Variants in MMP26 observed in about 807,000 individuals in gnomAD.
The protein encoded by MMP26 is matrix metalloproteinase-26.
Under a neutral mutation model 31.0 loss-of-function variants are expected in MMP26, and 33 were observed. That is an observed-to-expected ratio of 1.06 (90% confidence interval 0.81 to 1.42). The LOEUF (loss-of-function observed/expected upper bound fraction) is 1.42. Ranked by LOEUF, MMP26 falls within the 40% of genes most tolerant of loss-of-function variation. The pLI, the probability that MMP26 is intolerant of heterozygous loss-of-function variation, is 0.00. For missense variants in MMP26, 347 were observed against 316.1 expected, an observed-to-expected ratio of 1.10 and a Z score of -0.74; for synonymous variants, 122 against 114.9, an observed-to-expected ratio of 1.06 and a Z score of -0.40.
chr11:4,973,372 A>G (rs1018542707), intron 2 of MMP26: 4 of 152,554 alleles, frequency 2.6e-5, no homozygotes, highest in Non-Finnish European at 5.9e-5. Context: ...GGTTCTTCTT[A>G]CAATATTTTA....
chr11:4,801,556 ATTTG>A (rs1306780093), intron 2 of MMP26, among the ~76,000 whole-genome samples: 2 of 114,224 alleles, frequency 1.8e-5, no homozygotes, highest in Non-Finnish European at 3.7e-5. Context: ...TTATTTATTT[ATTTG>A]AGATGGAGTT....
chr11:4,933,188 G>C (rs1279338768), intron 2 of MMP26, among the ~76,000 whole-genome samples: 1 of 152,200 alleles, frequency 6.6e-6, no homozygotes, highest in African/African-American at 2.4e-5. Context: ...CAATGTGTGT[G>C]TATTTGTGTG....
At position 4,988,073 on chromosome 11, in the gene MMP26, G is replaced by T. The variant is rs183545209; in HGVS notation, c.-139G>T. 2.7e-6 allele frequency: 2 copies of T among 748,440 alleles called. No homozygotes were observed. Among genetic ancestry groups the T allele is most frequent in the South Asian group, 3.1e-5 (2 of 65,456 alleles). The allele number at this position is 748,440 out of a possible 1,614,324, so 46.4% of individuals were successfully genotyped here. A position where few individuals can be genotyped will look rare whatever the true frequency, so the allele number is the denominator to read the frequency against. On this transcript the variant is annotated 5_prime_UTR_variant, in exon 3 of 8. Transcript: ENST00000380390. ...GGTCACTCTGCCCTCAGCAGGTATG[G>T]ATGATGACGCCACTCACAGATTCAA...
At chr11:4,764,710 A>G (rs970952096) in intron 1 of MMP26, among the ~76,000 whole-genome samples, 1 of 152,130 alleles carries the variant, frequency 6.6e-6, no homozygotes, top group Non-Finnish European at 1.5e-5. Context: ...CGTCTCTACT[A>G]AAAATACAAA....
intron 2 of MMP26, among the ~76,000 whole-genome samples, chr11:4,903,569 G>A (rs1850834847): frequency 6.6e-6 from 1 of 152,066 alleles, no homozygotes; most frequent in African/African-American, 2.4e-5. Context: ...CCTTTCAGAT[G>A]AGTAGTCTCC....
At chr11:4,832,589 A>T (rs1175944425) in intron 2 of MMP26, 1 of 154,316 alleles carries the variant, frequency 6.5e-6, no homozygotes, top group East Asian at 1.9e-4. Context: ...TTTTGCCATT[A>T]AAAGCATTCT....
chr11:4,987,352 T>C (rs1166152988), intron 2 of MMP26, among the ~76,000 whole-genome samples: 1 of 152,136 alleles, frequency 6.6e-6, no homozygotes. Context: ...TTTCTGTGTT[T>C]TTCTAGATCT....
intron 2 of MMP26, among the ~76,000 whole-genome samples, chr11:4,937,048 G>A (rs1041657706): frequency 7.9e-5 from 12 of 152,050 alleles, no homozygotes; most frequent in Admixed American, 1.3e-4. Context: ...TTTTTTAAAG[G>A]TATTTTCTCT....
At chr11:4,800,344 G>T (rs1294855817) in intron 2 of MMP26, among the ~76,000 whole-genome samples, 1 of 152,174 alleles carries the variant, frequency 6.6e-6, no homozygotes, top group Non-Finnish European at 1.5e-5. Context: ...AGTTACAGCT[G>T]GCACACTCTA....
intron 1 of MMP26, among the ~76,000 whole-genome samples, chr11:4,749,405 T>C (rs1417939048): frequency 6.6e-6 from 1 of 151,708 alleles, no homozygotes; most frequent in Admixed American, 6.6e-5. Context: ...ATTACAAAAA[T>C]CATTTTTTTC....
intron 2 of MMP26, among the ~76,000 whole-genome samples, chr11:4,959,825 A>G (rs1846496064): frequency 6.6e-6 from 1 of 152,102 alleles, no homozygotes; most frequent in Admixed American, 6.5e-5. Context: ...ATACTCTCAC[A>G]ATACTTTTCT....
chr11:4,848,439 A>G, intron 2 of MMP26: 1 of 1,614,066 alleles, frequency 6.2e-7, no homozygotes, highest in South Asian at 1.1e-5. Context: ...GATATAGAAG[A>G]GGAGCACTGC....
chr11:4,910,009 A>C (rs1218714113), intron 2 of MMP26, among the ~76,000 whole-genome samples: 2 of 152,072 alleles, frequency 1.3e-5, no homozygotes. Context: ...TGCATAACAA[A>C]TTATTAAAAA....
intron 2 of MMP26, among the ~76,000 whole-genome samples, chr11:4,797,134 A>G (rs1433923): frequency 0.37 from 56,095 of 152,036 alleles, 11,439 homozygotes; most frequent in African/African-American, 0.52. Context: ...GCATACAGCA[A>G]TAAGAGTGAT....
intron 2 of MMP26, among the ~76,000 whole-genome samples, chr11:4,941,143 G>T (rs1380322619): frequency 2.0e-5 from 3 of 152,060 alleles, no homozygotes; most frequent in African/African-American, 7.2e-5. Context: ...TGCCTCTTTA[G>T]TCCCTTAGTC....
intron 2 of MMP26, chr11:4,923,609 A>C (rs777258725): frequency 5.0e-6 from 8 of 1,614,134 alleles, no homozygotes. Flanking sequence ...GATATGAGAG[A>C]CACAGGTGTT....
At chr11:4,834,479 G>A (rs922284046) in intron 2 of MMP26, among the ~76,000 whole-genome samples, 4 of 152,140 alleles carry the variant, frequency 2.6e-5, no homozygotes, top group Non-Finnish European at 5.9e-5. Context: ...CTACATCAGG[G>A]TCCAGGATCA....
At chr11:4,986,504 C>G (rs1448511675) in intron 2 of MMP26, among the ~76,000 whole-genome samples, 1 of 141,892 alleles carries the variant, frequency 7.0e-6, no homozygotes, top group Non-Finnish European at 1.5e-5. Flanking sequence ...ACCACCATGC[C>G]CAGTCGATTT....
intron 2 of MMP26, among the ~76,000 whole-genome samples, chr11:4,902,731 A>G (rs1850822370): frequency 1.3e-5 from 2 of 152,146 alleles, no homozygotes; most frequent in African/African-American, 2.4e-5. Context: ...TAATAAGTCT[A>G]TTTGCTTCAG....
Sources: gnomAD v4.1 joint callset for allele counts (sites outside exome capture counted in the v4.1 genomes callset) on GRCh38, gnomAD v4.1.1 for gene constraint, MANE v1.5 for transcripts, NCBI Gene and HGNC (gene_info 2026-07-23, HGNC 2026-07-21) for gene names.